Variants in ZNF493 observed in about 807,000 individuals in gnomAD.
ZNF493 encodes zinc finger protein 493.
ZNF493 carries 11 observed loss-of-function variants against 12.2 expected under a neutral mutation model. The observed-to-expected ratio is 0.90, with a 90% CI of 0.57 to 1.50. ZNF493 has a LOEUF of 1.50. Among genes scored for constraint, ZNF493 ranks in the 40% most tolerant of loss-of-function variants. The probability of loss-of-function intolerance (pLI) is 0.00; values close to 1 mark genes in which losing one functional copy is unlikely to be tolerated. For missense variants in ZNF493, 950 were observed against 906.6 expected (o/e 1.05, Z -0.61); for synonymous variants, 286 against 302.6 (o/e 0.95, Z 0.57).
chr19:21,409,084 C>T (rs1451912780), intron 3 of ZNF493, among the ~76,000 whole-genome samples: 1 of 151,790 alleles, frequency 6.6e-6, no homozygotes, highest in Non-Finnish European at 1.5e-5. Context: ...CGGGGTTTCA[C>T]CATATTAGCC....
At chr19:21,397,757 C>T (rs1974196016) in intron 1 of ZNF493, 1 of 242,828 alleles carries the variant, frequency 4.1e-6, no homozygotes, top group African/African-American at 2.2e-5. Context: ...AGTTTGTGGT[C>T]TGTGGGAGAG....
rs2030885988 is a variant in ZNF493 at position 21,427,559 on chromosome 19, A to T, written c.*2575A>T. ...GTAAATATTATTGTGCATTCAATAA[A>T]GTGTTGTTATGCCACAAAGATTAAC... is the stretch of plus-strand genomic sequence containing the variant. On this transcript the variant is annotated 3_prime_UTR_variant, in exon 4 of 4. Transcript: ENST00000392288. The T allele has an allele frequency of 6.6e-6, 1 of 152,184 alleles. No individual in the cohort carries two copies. Among genetic ancestry groups the T allele is most frequent in the Admixed American group, 6.6e-5 (1 of 15,262 alleles). The allele number at this position is 152,184 out of a possible 1,614,324, so 9.4% of individuals were successfully genotyped here. A position where few individuals can be genotyped will look rare whatever the true frequency, so the allele number is the denominator to read the frequency against.
At position 21,424,515 on chromosome 19, in the gene ZNF493, A is replaced by G; in HGVS notation, c.1856A>G (p.His619Arg). 2 of 1,613,584 alleles carry G rather than the reference A, an allele frequency of 1.2e-6. No homozygotes were observed. The highest frequency in any genetic ancestry group is 1.7e-6 in the Non-Finnish European group (2 of 1,179,762). ...AACCGATCTTCAATCCTTAGTATAC[A>G]TAAGAAAATTCATACTGGAGAAAAA... is the stretch of plus-strand genomic sequence containing the variant. ...AFNRSSILSI[H>R]KKIHTGEKPY... Residue 619 changes from histidine (H) to arginine (R), a missense_variant, in exon 4 of 4, where the codon CAT (histidine) becomes CGT (arginine). Coordinates refer to ENST00000392288, the MANE Select transcript of ZNF493 (RefSeq NM_001076678.3).
chr19:21,400,510 A>G (rs1368291466), intron 1 of ZNF493, among the ~76,000 whole-genome samples: 1 of 152,216 alleles, frequency 6.6e-6, no homozygotes, highest in Non-Finnish European at 1.5e-5. Context: ...TCAAAAACCA[A>G]GTGAGTAACT....
chr19:21,415,353 A>G (rs2030455244), intron 3 of ZNF493, among the ~76,000 whole-genome samples: 2 of 152,178 alleles, frequency 1.3e-5, no homozygotes, highest in South Asian at 4.1e-4. Flanking sequence ...TGGCATAGGT[A>G]GGAATGCCTA....
rs2030873550 is a variant in ZNF493, at chr19:21,427,069, A to C, written c.*2085A>C. ...AAAGCTTGTGATCATTTGTTGCTGC[A>C]TCAGAGGTATGAGAGATTCTTCTTC... On this transcript the variant is annotated 3_prime_UTR_variant, in exon 4 of 4. Transcript: ENST00000392288. The C allele has an allele frequency of 6.0e-6, 1 of 166,962 alleles. No individual in the cohort carries two copies. Among genetic ancestry groups the C allele is most frequent in the Non-Finnish European group, 1.5e-5 (1 of 68,110 alleles). 10.3% of individuals were successfully genotyped at this position (166,962 alleles called of 1,614,324 possible).
intron 3 of ZNF493, among the ~76,000 whole-genome samples, chr19:21,420,479 T>G (rs954838562): frequency 6.7e-6 from 1 of 149,686 alleles, no homozygotes; most frequent in Non-Finnish European, 1.5e-5. Context: ...CTTCAGCGCC[T>G]TTTATATATA....
chr19:21,422,370 A>AT (rs1444525298), intron 3 of ZNF493, among the ~76,000 whole-genome samples: 19 of 147,844 alleles, frequency 1.3e-4, no homozygotes, highest in Non-Finnish European at 2.6e-4. Flanking sequence ...TTGAGCCAGT[A>AT]TTTTACTAGT....
At position 21,425,122 on chromosome 19, in the gene ZNF493, A is replaced by G. The variant is rs935985792; in HGVS notation, c.*138A>G. The G allele has an allele frequency of 1.9e-5, 20 of 1,049,146 alleles. No individual in the cohort carries two copies. Among genetic ancestry groups the G allele is most frequent in the Non-Finnish European group, 2.8e-5 (19 of 680,130 alleles). 65.0% of individuals were successfully genotyped at this position (1,049,146 alleles called of 1,614,324 possible). A position where few individuals can be genotyped will look rare whatever the true frequency, so the allele number is the denominator to read the frequency against. ...CCCTACAAATGTGAAGAATGTGGCA[A>G]AGATTTCTATTGATTCTCATACCTT... On this transcript the variant is annotated 3_prime_UTR_variant, in exon 4 of 4. Coordinates refer to ENST00000392288, the MANE Select transcript of ZNF493 (RefSeq NM_001076678.3).
chr19:21,399,299 T>C (rs2145259004), intron 1 of ZNF493, among the ~76,000 whole-genome samples: 1 of 152,294 alleles, frequency 6.6e-6, no homozygotes. Context: ...TAGCTGGGAC[T>C]ACAGGTGCCT....
At chr19:21,408,979 G>A (rs2030233460) in intron 3 of ZNF493, among the ~76,000 whole-genome samples, 1 of 151,230 alleles carries the variant, frequency 6.6e-6, no homozygotes, top group African/African-American at 2.4e-5. Context: ...CCTCCTCCCG[G>A]GTTCACGTCA....
At chr19:21,408,783 C>A in intron 3 of ZNF493, 2 of 981,200 alleles carry the variant, frequency 2.0e-6, no homozygotes, top group South Asian at 4.7e-5. Context: ...TAAAAGATAG[C>A]CATATGTCTA....
chr19:21,409,805 CTAAAAGT>C (rs1329863532), intron 3 of ZNF493, among the ~76,000 whole-genome samples: 1 of 152,012 alleles, frequency 6.6e-6, no homozygotes, highest in African/African-American at 2.4e-5. Context: ...CAAAAGACTT[CTAAAAGT>C]TTTACATCTT....
chr19:21,412,127 G>A (rs1028349934), intron 3 of ZNF493: 2 of 152,080 alleles, frequency 1.3e-5, no homozygotes, highest in Non-Finnish European at 1.5e-5. Flanking sequence ...AATCAGAAAA[G>A]GTTTGGAGCT....
rs117693738 is a variant in ZNF493 at position 21,401,446 on chromosome 19, A to G, written c.31-3683A>G. On this transcript the variant is annotated intron_variant, in intron 1 of 3. Coordinates refer to ENST00000392288, the MANE Select transcript of ZNF493 (RefSeq NM_001076678.3). ...TGTTTTATATTTGCCAAATTTTCAT[A>G]TTAGAATAATGCTGTTTTTACATAA... Among the ~76,000 whole-genome samples the G allele has an allele frequency of 5.9e-3, 895 of 152,128 alleles. 5 individuals carry two copies. Among genetic ancestry groups the G allele is most frequent in the Non-Finnish European group, 9.2e-3 (628 of 67,992 alleles).
At chr19:21,407,555 C>G in intron 3 of ZNF493, 4 of 829,188 alleles carry the variant, frequency 4.8e-6, no homozygotes, top group Non-Finnish European at 5.8e-6. Context: ...TCCCAAAGTG[C>G]TGGTATTACA....
At position 21,424,202 on chromosome 19, in the gene ZNF493, A is replaced by G. The variant is rs1257070060; in HGVS notation, c.1543A>G (p.Lys515Glu). Residue 515 changes from lysine to glutamate, a missense_variant, in exon 4 of 4, where the codon AAA becomes GAA. Physicochemically the swap from Lys to Glu is moderately conservative, Grantham distance 56. Coordinates refer to ENST00000392288, the MANE Select transcript of ZNF493 (RefSeq NM_001076678.3). ...SIHKIIHTGE[K>E]PYKCEECGKA... ...ACATAAAATAATTCATACTGGAGAAAAACCCTACAAATGTGAAGAATGTGG... is the reference window on the plus strand; with the variant it reads ...ACATAAAATAATTCATACTGGAGAAGAACCCTACAAATGTGAAGAATGTGG... 1 of 1,612,604 alleles carries G rather than the reference A, an allele frequency of 6.2e-7. No homozygotes were observed. Among genetic ancestry groups the G allele is most frequent in the Non-Finnish European group, 8.5e-7 (1 of 1,179,050 alleles).
chr19:21,424,121 C>A lies in ZNF493; in HGVS notation c.1462C>A (p.Pro488Thr). ...TAGGATAATTCATACTGAAGAGAAA[C>A]CCTACAAATGTGAAGAATGTGGCAA... ...KHRIIHTEEK[P>T]YKCEECGKAF... The change falls in exon 4 of 4, where the codon CCC (proline) becomes ACC (threonine). Residue 488 changes from proline (P) to threonine (T), a missense_variant. Physicochemically the swap from Pro to Thr is conservative, Grantham distance 38. Coordinates refer to ENST00000392288, the MANE Select transcript of ZNF493 (RefSeq NM_001076678.3). 1 of 1,613,340 alleles carries A rather than the reference C, an allele frequency of 6.2e-7. No individual in the cohort carries two copies. The highest frequency in any genetic ancestry group is 8.5e-7 in the Non-Finnish European group (1 of 1,179,738).
Position 21,423,599 on chromosome 19 carries a change from A to C in ZNF493, c.940A>C (p.Ile314Leu). The C allele has an allele frequency of 6.2e-7, 1 of 1,609,656 alleles. No individual in the cohort carries two copies. Residue 314 changes from isoleucine (I) to leucine (L), a missense_variant, in exon 4 of 4, where the codon ATT becomes CTT. Ile to Leu is a conservative substitution (Grantham distance 5). Coordinates refer to ENST00000392288, the MANE Select transcript of ZNF493 (RefSeq NM_001076678.3). ...QSSTLTGHKI[I>L]HNGEKPYKCE... ...TTCAACCCTTACTGGACATAAGATA[A>C]TTCATAATGGAGAAAAACCCTATAA...
Sources: allele counts gnomAD v4.1 joint callset (sites outside exome capture counted in the v4.1 genomes callset), GRCh38; gene constraint gnomAD v4.1.1; transcripts MANE v1.5; gene names NCBI Gene and HGNC (gene_info 2026-07-23, HGNC 2026-07-21).